ATXN7: variants seen among roughly 807,000 people sequenced by gnomAD.
ATXN7 encodes ataxin-7.
ATXN7 carries 12 observed loss-of-function variants against 70.5 expected under a neutral mutation model. The ratio of observed to expected loss-of-function variants is 0.17; its 90% CI spans 0.11 to 0.28. ATXN7 has a LOEUF of 0.28. ATXN7 is among the 10% of genes least tolerant of loss of function. The pLI is 1.00. For missense variants in ATXN7, 1,256 were observed against 1,131.7 expected, an observed-to-expected ratio of 1.11 and a Z score of -1.58; for synonymous variants, 498 against 448.7, an observed-to-expected ratio of 1.11 and a Z score of -1.39.
intron 10 of ATXN7, 60 bp downstream of exon 10, chr3:63,990,434 A>C: frequency 6.3e-7 from 1 of 1,587,402 alleles, no homozygotes; most frequent in Non-Finnish European, 8.6e-7. Context: ...AGGGCACTGC[A>C]GGGGGGCGCG....
At chr3:63,927,938 C>T (rs1240557064) in intron 4 of ATXN7, among the ~76,000 whole-genome samples, 3 of 152,192 alleles carry the variant, frequency 2.0e-5, no homozygotes, top group Non-Finnish European at 2.9e-5. Context: ...TAGATGTTTT[C>T]TTAAAAGCTG....
chr3:64,002,976 A>AT lies in ATXN7; in HGVS notation c.*3510dup, dbSNP rs1287159778. The AT allele has an allele frequency of 2.6e-5, 4 of 152,184 alleles. No homozygotes were observed. The highest frequency in any genetic ancestry group is 2.6e-4 in the Admixed American group (4 of 15,272). 9.4% of individuals were successfully genotyped at this position (152,184 alleles called of 1,614,324 possible). A position where few individuals can be genotyped will look rare whatever the true frequency, so the allele number is the denominator to read the frequency against. ...ATGTATAATTTGAAAAATGTAACTTATAAGGGCAGCTGTCTTCCTGCAAGA... is the reference window on the plus strand; with the variant it reads ...ATGTATAATTTGAAAAATGTAACTTATTAAGGGCAGCTGTCTTCCTGCAAGA... On this transcript the variant is annotated 3_prime_UTR_variant, in exon 13 of 13. Transcript: ENST00000674280.
chr3:63,980,707 G>T (rs989780138), intron 6 of ATXN7: 1 of 153,988 alleles, frequency 6.5e-6, no homozygotes, highest in African/African-American at 2.4e-5. Flanking sequence ...GGCCATAGGG[G>T]ACGGTTAACA....
chr3:63,909,150 C>T (rs1181160870), intron 2 of ATXN7, among the ~76,000 whole-genome samples: 1 of 152,066 alleles, frequency 6.6e-6, no homozygotes, highest in Admixed American at 6.5e-5. Context: ...TGAATTATTA[C>T]TTAAGTTTTC....
At chr3:63,863,647 A>G, upstream of ATXN7, 3 of 1,214,144 alleles carry the variant, frequency 2.5e-6, no homozygotes, top group Non-Finnish European at 3.1e-6. Flanking sequence ...GGGAAGGCCG[A>G]AGCGCTCTGG....
chr3:63,942,426 T>C (rs992012772), intron 4 of ATXN7, among the ~76,000 whole-genome samples: 2 of 152,224 alleles, frequency 1.3e-5, no homozygotes, highest in African/African-American at 4.8e-5. Context: ...CACTCCATAA[T>C]TGTAAACTGT....
intron 1 of ATXN7, among the ~76,000 whole-genome samples, chr3:63,873,052 A>G (rs1304075827): frequency 1.3e-5 from 2 of 152,142 alleles, no homozygotes; most frequent in Non-Finnish European, 2.9e-5. Context: ...AGTTTTTAAA[A>G]TCTCAAAATC....
At chr3:63,871,691 A>C (rs1702595670) in intron 1 of ATXN7, among the ~76,000 whole-genome samples, 1 of 152,194 alleles carries the variant, frequency 6.6e-6, no homozygotes, top group Admixed American at 6.5e-5. Context: ...TAATGAGACT[A>C]TGTATAAGAT....
chr3:63,968,070 T>G, intron 5 of ATXN7: 1 of 982,110 alleles, frequency 1.0e-6, no homozygotes, highest in Non-Finnish European at 1.5e-6. Context: ...TTGCTAACCT[T>G]ACATAGAACC....
chr3:63,876,717 T>C (rs1034129004), intron 1 of ATXN7, among the ~76,000 whole-genome samples: 1 of 152,212 alleles, frequency 6.6e-6, no homozygotes, highest in African/African-American at 2.4e-5. Context: ...TTTTAGCTAA[T>C]GGCCAGCAAT....
intron 4 of ATXN7, among the ~76,000 whole-genome samples, chr3:63,936,004 C>CAAA (rs1321120544): frequency 1.3e-5 from 2 of 152,124 alleles, no homozygotes; most frequent in Non-Finnish European, 2.9e-5. Context: ...ACCAGTCATT[C>CAAA]AATGCATATT....
chr3:64,000,654 G>C lies in ATXN7; in HGVS notation c.*1187G>C, dbSNP rs1559666292. On this transcript the variant is annotated 3_prime_UTR_variant, in exon 13 of 13. Transcript: ENST00000674280. ...GGGACGAGAGCAGACACCAAGGAAA[G>C]GGAGTTGGAGAGAATGTAAGTCCTG... 1 of 152,188 alleles carries C rather than the reference G, an allele frequency of 6.6e-6. No individual in the cohort carries two copies. 9.4% of individuals were successfully genotyped at this position (152,188 alleles called of 1,614,324 possible).
At chr3:63,951,137 T>G (rs2074946798) in intron 4 of ATXN7, among the ~76,000 whole-genome samples, 1 of 152,162 alleles carries the variant, frequency 6.6e-6, no homozygotes, top group African/African-American at 2.4e-5. Context: ...GTGCTGCAAG[T>G]ACATCCCCAA....
chr3:63,892,649 A>C (rs926521462), intron 1 of ATXN7, among the ~76,000 whole-genome samples: 2 of 152,100 alleles, frequency 1.3e-5, no homozygotes, highest in Non-Finnish European at 2.9e-5. Flanking sequence ...TCTTTATTCC[A>C]CTGGCCTAAT....
intron 1 of ATXN7, among the ~76,000 whole-genome samples, chr3:63,893,697 T>C (rs967046235): frequency 2.6e-5 from 4 of 152,218 alleles, no homozygotes; most frequent in Non-Finnish European, 5.9e-5. Context: ...TTCCTCACAA[T>C]TGGCCTTGGC....
intron 4 of ATXN7, among the ~76,000 whole-genome samples, chr3:63,929,802 G>A (rs1704873411): frequency 6.6e-6 from 1 of 152,130 alleles, no homozygotes; most frequent in South Asian, 2.1e-4. Flanking sequence ...CATTACTGTG[G>A]CCTTACCTGT....
At chr3:63,872,092 A>G (rs1288803936) in intron 1 of ATXN7, among the ~76,000 whole-genome samples, 1 of 152,188 alleles carries the variant, frequency 6.6e-6, no homozygotes, top group Non-Finnish European at 1.5e-5. Flanking sequence ...TGTTTATATG[A>G]AATTAGCAAC....
intron 5 of ATXN7, among the ~76,000 whole-genome samples, chr3:63,967,501 T>G (rs982494858): frequency 1.3e-5 from 2 of 152,208 alleles, no homozygotes; most frequent in Non-Finnish European, 2.9e-5. Flanking sequence ...CTACCGAGAC[T>G]TAAAATGTAG....
At chr3:63,887,064 A>G (rs1703109366) in intron 1 of ATXN7, among the ~76,000 whole-genome samples, 1 of 152,206 alleles carries the variant, frequency 6.6e-6, no homozygotes, top group Non-Finnish European at 1.5e-5. Flanking sequence ...ATGTAGGTCA[A>G]ATTGCATCAC....
Sources: allele counts gnomAD v4.1 joint callset (sites outside exome capture counted in the v4.1 genomes callset), GRCh38; gene constraint gnomAD v4.1.1; transcripts MANE v1.5; gene names NCBI Gene and HGNC (gene_info 2026-07-23, HGNC 2026-07-21).